Variants in NALF1 observed in about 807,000 individuals in gnomAD.
NALF1 encodes NALCN channel auxiliary factor 1, also known as family with sequence similarity 155 member A.
NALF1 carries 3 observed loss-of-function variants against 48.4 expected under a neutral mutation model. The ratio of observed to expected loss-of-function variants is 0.06; its 90% CI spans 0.03 to 0.16. The LOEUF is 0.16. Ranked by LOEUF, NALF1 falls within the 10% of genes least tolerant of loss-of-function variation. The pLI is 1.00. For synonymous variants in NALF1, 262 were observed against 245.7 expected, an observed-to-expected ratio of 1.07 and a Z score of -0.62; for missense variants, 526 against 571.5, an observed-to-expected ratio of 0.92 and a Z score of 0.81.
intron 1 of NALF1, among the ~76,000 whole-genome samples, chr13:107,791,478 C>G (rs1404175881): frequency 6.6e-6 from 1 of 152,112 alleles, no homozygotes; most frequent in Non-Finnish European, 1.5e-5. Flanking sequence ...GCATGTCATA[C>G]TTTTGTAATT....
intron 1 of NALF1, among the ~76,000 whole-genome samples, chr13:107,663,530 C>T (rs1880781141): frequency 6.6e-6 from 1 of 152,146 alleles, no homozygotes; most frequent in Non-Finnish European, 1.5e-5. Context: ...ATCGTATTTT[C>T]ATGTGTTTTG....
intron 1 of NALF1, among the ~76,000 whole-genome samples, chr13:107,538,803 T>C (rs1459760886): frequency 3.3e-5 from 5 of 152,184 alleles, no homozygotes; most frequent in Non-Finnish European, 2.9e-5. Context: ...TCCACAAGAT[T>C]GTTTTAAGAA....
intron 1 of NALF1, among the ~76,000 whole-genome samples, chr13:107,721,277 G>A (rs181400918): frequency 6.6e-6 from 1 of 152,086 alleles, no homozygotes; most frequent in African/African-American, 2.4e-5. Context: ...CCGGTTCCTA[G>A]GGGACAAAAA....
At chr13:107,681,706 C>T (rs955728816) in intron 1 of NALF1, among the ~76,000 whole-genome samples, 3 of 152,232 alleles carry the variant, frequency 2.0e-5, no homozygotes, top group Non-Finnish European at 4.4e-5. Flanking sequence ...TCTCATCCGA[C>T]GGCTGCAGGT....
At chr13:107,399,198 A>C (rs2138989842) in intron 1 of NALF1, among the ~76,000 whole-genome samples, 1 of 152,266 alleles carries the variant, frequency 6.6e-6, no homozygotes. Flanking sequence ...TCACTGGGAA[A>C]CAAATGGAGG....
chr13:107,636,482 C>T lies in NALF1; in HGVS notation c.915+229200G>A, dbSNP rs559528839. On this transcript the variant is annotated intron_variant, in intron 1 of 2. Coordinates refer to ENST00000375915, the MANE Select transcript of NALF1 (RefSeq NM_001080396.3). ...CTGATCAAGAAGACTAACATTTAAC[C>T]ATTTATTTTCAAGGAAAAAATGCTA... is the stretch of plus-strand genomic sequence containing the variant. Among the ~76,000 whole-genome samples the T allele has an allele frequency of 1.1e-4, 16 of 152,228 alleles. 1 individual carries two copies. The South Asian group carries it at 3.3e-3, about 32-fold the overall frequency.
intron 1 of NALF1, among the ~76,000 whole-genome samples, chr13:107,281,921 A>G (rs1395955802): frequency 6.6e-6 from 1 of 152,176 alleles, no homozygotes; most frequent in Non-Finnish European, 1.5e-5. Flanking sequence ...AACCACCCCC[A>G]TGATTCAATT....
intron 1 of NALF1, among the ~76,000 whole-genome samples, chr13:107,837,490 A>G (rs2138632355): frequency 6.6e-6 from 1 of 152,258 alleles, no homozygotes. Context: ...ATGAACTGCT[A>G]GAATTTTCCT....
At chr13:107,555,880 C>T (rs1427588346) in intron 1 of NALF1, among the ~76,000 whole-genome samples, 1 of 151,796 alleles carries the variant, frequency 6.6e-6, no homozygotes, top group Non-Finnish European at 1.5e-5. Context: ...AATCAATACC[C>T]AGCAAAAAAG....
intron 1 of NALF1, among the ~76,000 whole-genome samples, chr13:107,724,395 C>G (rs1394347415): frequency 6.6e-6 from 1 of 152,074 alleles, no homozygotes; most frequent in Admixed American, 6.5e-5. Flanking sequence ...TGATTTTTAT[C>G]TTATTTCTTT....
At chr13:107,854,620 CT>C (rs1461286060) in intron 1 of NALF1, among the ~76,000 whole-genome samples, 1 of 152,112 alleles carries the variant, frequency 6.6e-6, no homozygotes, top group Non-Finnish European at 1.5e-5. Context: ...CGCCTGTAAT[CT>C]CAACACTTTG....
At chr13:107,184,335 C>T (rs1249800625) in intron 2 of NALF1, among the ~76,000 whole-genome samples, 1 of 152,064 alleles carries the variant, frequency 6.6e-6, no homozygotes, top group East Asian at 1.9e-4. Context: ...ACGGAGAAAA[C>T]CATTTTAATG....
At chr13:107,188,434 A>G (rs1412908819) in intron 2 of NALF1, among the ~76,000 whole-genome samples, 1 of 151,382 alleles carries the variant, frequency 6.6e-6, no homozygotes, top group African/African-American at 2.4e-5. Flanking sequence ...CTAGAAAAAA[A>G]AAGTTCAAAT....
chr13:107,229,260 G>GA (rs1880170457), intron 1 of NALF1, among the ~76,000 whole-genome samples: 1 of 152,006 alleles, frequency 6.6e-6, no homozygotes, highest in Non-Finnish European at 1.5e-5. Context: ...TCTATTATGA[G>GA]AAATACATGT....
chr13:107,677,203 C>T (rs1881154804), intron 1 of NALF1, among the ~76,000 whole-genome samples: 2 of 152,296 alleles, frequency 1.3e-5, no homozygotes, highest in Non-Finnish European at 2.9e-5. Context: ...CACATCACCA[C>T]ACTCAGCTAA....
chr13:107,786,110 C>T (rs1054661636), intron 1 of NALF1, among the ~76,000 whole-genome samples: 10 of 152,066 alleles, frequency 6.6e-5, no homozygotes, highest in African/African-American at 1.4e-4. Flanking sequence ...GGAACCCTCA[C>T]AGGAAGGAAC....
intron 1 of NALF1, among the ~76,000 whole-genome samples, chr13:107,732,455 A>G (rs1876335834): frequency 6.6e-6 from 1 of 152,156 alleles, no homozygotes; most frequent in African/African-American, 2.4e-5. Context: ...ACTTAAAGCC[A>G]AACTGTCTAG....
intron 1 of NALF1, among the ~76,000 whole-genome samples, chr13:107,377,433 G>T (rs912419639): frequency 2.0e-5 from 3 of 152,102 alleles, no homozygotes; most frequent in African/African-American, 4.8e-5. Flanking sequence ...GAATCTAAAA[G>T]AATGCATTTT....
At chr13:107,237,852 C>G (rs1033633686) in intron 1 of NALF1, among the ~76,000 whole-genome samples, 8 of 152,180 alleles carry the variant, frequency 5.3e-5, no homozygotes, top group Non-Finnish European at 7.3e-5. Context: ...CAATTGGACA[C>G]ATTGGTTTAT....
Sources: allele counts gnomAD v4.1 joint callset (sites outside exome capture counted in the v4.1 genomes callset), GRCh38; gene constraint gnomAD v4.1.1; transcripts MANE v1.5; gene names NCBI Gene and HGNC (gene_info 2026-07-23, HGNC 2026-07-21).